The following PRH1 variants were observed in gnomAD, a reference collection of about 807,000 sequenced individuals.
PRH1 encodes salivary acidic proline-rich phosphoprotein 1/2.
In PRH1, 7 loss-of-function variants were observed where a neutral mutation model predicts 7.9. That is an observed-to-expected ratio of 0.89 (90% CI 0.50 to 1.67). The LOEUF is 1.67. Ranked by LOEUF, PRH1 falls within the 40% of genes most tolerant of loss-of-function variation. PRH1 has a pLI of 0.00. For synonymous variants in PRH1, 45 were observed against 80.8 expected (o/e 0.56, Z 2.38); for missense variants, 109 against 223.6 (o/e 0.49, Z 3.27).
intron 1 of PRH1, among the ~76,000 whole-genome samples, chr12:11,018,982 G>A (rs1341889028): frequency 6.9e-6 from 1 of 145,692 alleles, no homozygotes; most frequent in African/African-American, 2.4e-5. Flanking sequence ...ATAGGGAAAG[G>A]GGAGAGGAAA....
At chr12:10,896,496 T>A (rs1949646627) in intron 2 of PRH1, among the ~76,000 whole-genome samples, 1 of 152,096 alleles carries the variant, frequency 6.6e-6, no homozygotes, top group Non-Finnish European at 1.5e-5. Flanking sequence ...GCACGGTGGC[T>A]CACGCCTGTA....
intron 1 of PRH1, among the ~76,000 whole-genome samples, chr12:11,154,729 T>A (rs1226364704): frequency 6.6e-6 from 1 of 152,224 alleles, no homozygotes; most frequent in Non-Finnish European, 1.5e-5. Flanking sequence ...CAGTATCTTA[T>A]CCTGGTCATT....
chr12:11,031,483 C>T, intron 1 of PRH1: 1 of 938,754 alleles, frequency 1.1e-6, no homozygotes, highest in South Asian at 1.9e-5. Context: ...GGCATGGACC[C>T]AAAGAGTGAG....
intron 2 of PRH1, chr12:10,908,298 A>C: frequency 5.5e-6 from 7 of 1,277,554 alleles, no homozygotes; most frequent in Non-Finnish European, 7.6e-6. Flanking sequence ...GGAAGCATAA[A>C]ATATCTTTTA....
At chr12:11,067,291 T>G (rs568908099) in intron 1 of PRH1, among the ~76,000 whole-genome samples, 3 of 152,332 alleles carry the variant, frequency 2.0e-5, no homozygotes, top group African/African-American at 7.2e-5. Flanking sequence ...ATTGTGAAAT[T>G]AGAATGCTAA....
At chr12:10,966,194 T>C (rs1938491381) in intron 2 of PRH1, among the ~76,000 whole-genome samples, 2 of 152,336 alleles carry the variant, frequency 1.3e-5, no homozygotes, top group South Asian at 2.1e-4. Context: ...TTGGTAAAGT[T>C]ACTCTCAAGT....
intron 1 of PRH1, among the ~76,000 whole-genome samples, chr12:11,169,228 C>T (rs1266862360): frequency 6.6e-6 from 1 of 152,204 alleles, no homozygotes; most frequent in African/African-American, 2.4e-5. Context: ...ATACTCTAAT[C>T]ATGAATTCTC....
intron 1 of PRH1, among the ~76,000 whole-genome samples, chr12:11,084,776 CATTT>C (rs199887442): frequency 0.054 from 3,042 of 56,408 alleles, 856 homozygotes; most frequent in Non-Finnish European, 0.075. Context: ...TTACATATTT[CATTT>C]ATTTATTTAT....
At chr12:10,997,171 G>A (rs1191910264) in intron 1 of PRH1, 5 of 1,614,074 alleles carry the variant, frequency 3.1e-6, no homozygotes, top group Admixed American at 3.3e-5. Flanking sequence ...CAAGTAATAT[G>A]AGGAAGGAGG....
At chr12:10,929,354 G>A in intron 2 of PRH1, 2 of 1,614,132 alleles carry the variant, frequency 1.2e-6, no homozygotes, top group Non-Finnish European at 1.7e-6. Flanking sequence ...CGAATTGGGG[G>A]AAGATATTGT....
At chr12:11,000,808 T>A (rs1565538179) in intron 1 of PRH1, among the ~76,000 whole-genome samples, 1 of 152,122 alleles carries the variant, frequency 6.6e-6, no homozygotes, top group Non-Finnish European at 1.5e-5. Flanking sequence ...AATTCTCTCT[T>A]CTATGTCTAA....
At chr12:11,077,420 G>A (rs1944328641) in intron 1 of PRH1, 1 of 606,742 alleles carries the variant, frequency 1.6e-6, no homozygotes, top group Non-Finnish European at 2.7e-6. Flanking sequence ...AAGAATGAGT[G>A]GAATGAAGGA....
intron 1 of PRH1, among the ~76,000 whole-genome samples, chr12:11,019,053 G>T (rs1275600912): frequency 1.3e-5 from 2 of 152,280 alleles, no homozygotes; most frequent in Non-Finnish European, 2.9e-5. Context: ...TGGTTAGTGT[G>T]ACTTTCCCAA....
rs979944712 is a variant in PRH1, at chr12:10,951,511, T to C, written c.-59+22144A>G. ...TACATATACCCCACATGAATGGGAA[T>C]AGTTTTTGTCCTACAGTTTCCAAAA... On this transcript the variant is annotated intron_variant, in intron 2 of 3. Coordinates refer to the PRH1 transcript ENST00000539853. Among the ~76,000 whole-genome samples, 8 of 152,288 alleles carry C rather than the reference T, an allele frequency of 5.3e-5. No individual in the cohort carries two copies. In the East Asian group the frequency reaches 9.7e-4, roughly 18 times the overall value.
intron 2 of PRH1, chr12:10,896,833 A>C (rs970913229): frequency 6.6e-6 from 1 of 151,668 alleles, no homozygotes; most frequent in Non-Finnish European, 1.5e-5. Flanking sequence ...CACTTCTTCT[A>C]TTGATATCTT....
At chr12:11,121,519 T>C (rs1475628395) in intron 1 of PRH1, among the ~76,000 whole-genome samples, 1 of 152,204 alleles carries the variant, frequency 6.6e-6, no homozygotes, top group Admixed American at 6.5e-5. Flanking sequence ...AAAAAAGGCT[T>C]TCTTTAATTA....
chr12:10,893,607 C>T (rs919236132), intron 2 of PRH1, among the ~76,000 whole-genome samples: 8 of 152,172 alleles, frequency 5.3e-5, no homozygotes, highest in Admixed American at 1.3e-4. Flanking sequence ...ATGGAAATCT[C>T]GTGGTCTATT....
chr12:11,067,856 C>A (rs11526041), intron 1 of PRH1, among the ~76,000 whole-genome samples: 44,142 of 151,806 alleles, frequency 0.29, 8,302 homozygotes, highest in East Asian at 0.74. Flanking sequence ...GAGAGAGACC[C>A]TGTCTCAAAA....
rs201063531 is a variant in PRH1, at chr12:11,133,225, T to C, written n.40-12045A>G. 9.1e-5 allele frequency: 82 copies of C among 902,348 alleles called. No individual in the cohort carries two copies. In the Middle Eastern group the frequency reaches 9.9e-4, roughly 11 times the overall value. The allele number at this position is 902,348 out of a possible 1,614,324, so 55.9% of individuals were successfully genotyped here. On this transcript the variant is annotated intron_variant and non_coding_transcript_variant, in intron 1 of 1. Coordinates refer to the PRH1 transcript ENST00000541175. ...CATGTGGAAATTATTCATATACATA[T>C]ATTACAGAAAACCCAGTAAGAAATA...
Sources: allele counts gnomAD v4.1 joint callset (sites outside exome capture counted in the v4.1 genomes callset), GRCh38; gene constraint gnomAD v4.1.1; transcripts MANE v1.5; gene names NCBI Gene and HGNC (gene_info 2026-07-23, HGNC 2026-07-21).